Variants in DRGX observed in about 807,000 individuals in gnomAD.
The protein encoded by DRGX is dorsal root ganglia homeobox protein.
DRGX carries 21 observed loss-of-function variants against 28.6 expected under a neutral mutation model. The ratio of observed to expected loss-of-function variants is 0.73; its 90% confidence interval spans 0.52 to 1.06. DRGX has a LOEUF of 1.06. DRGX is among the 50% of genes least tolerant of loss of function. DRGX has a pLI of 0.00. For synonymous variants in DRGX, 136 were observed against 139.1 expected (o/e 0.98, Z 0.16); for missense variants, 354 against 343.9 (o/e 1.03, Z -0.23).
At chr10:49,383,889 A>T (rs919049819) in intron 6 of DRGX, among the ~76,000 whole-genome samples, 2 of 152,374 alleles carry the variant, frequency 1.3e-5, no homozygotes, top group Non-Finnish European at 2.9e-5. Context: ...AGCATAGGGC[A>T]CTGTGTTATA....
intron 6 of DRGX, among the ~76,000 whole-genome samples, chr10:49,369,482 T>A (rs1238867800): frequency 6.6e-6 from 1 of 152,100 alleles, no homozygotes; most frequent in Non-Finnish European, 1.5e-5. Flanking sequence ...GTATGCTAAG[T>A]GAAATAAGCC....
intron 6 of DRGX, among the ~76,000 whole-genome samples, chr10:49,374,787 T>C (rs1849699798): frequency 6.6e-6 from 1 of 152,210 alleles, no homozygotes; most frequent in Non-Finnish European, 1.5e-5. Flanking sequence ...CAATAGCACA[T>C]TTTCATCATT....
chr10:49,394,933 T>C (rs1032923602), intron 2 of DRGX, among the ~76,000 whole-genome samples: 1 of 152,336 alleles, frequency 6.6e-6, no homozygotes, highest in Non-Finnish European at 1.5e-5. Context: ...AAGAGGCCCC[T>C]GCAGTGTTCT....
intron 6 of DRGX, among the ~76,000 whole-genome samples, chr10:49,377,012 T>G (rs1269602169): frequency 6.6e-6 from 1 of 152,216 alleles, no homozygotes; most frequent in Admixed American, 6.5e-5. Flanking sequence ...CATTGCTAGA[T>G]GCTCAACCTG....
chr10:49,382,783 C>G (rs1470374205), intron 6 of DRGX, among the ~76,000 whole-genome samples: 2 of 152,196 alleles, frequency 1.3e-5, no homozygotes, highest in East Asian at 3.8e-4. Flanking sequence ...TTGCCTATGC[C>G]ATTCCCTACA....
chr10:49,382,578 T>C (rs769140980), intron 6 of DRGX, among the ~76,000 whole-genome samples: 1 of 152,154 alleles, frequency 6.6e-6, no homozygotes, highest in Non-Finnish European at 1.5e-5. Context: ...TTGGGCTGTG[T>C]GCTTAATTTC....
intron 6 of DRGX, among the ~76,000 whole-genome samples, chr10:49,377,511 A>G (rs1849728881): frequency 6.6e-6 from 1 of 152,222 alleles, no homozygotes; most frequent in Non-Finnish European, 1.5e-5. Context: ...AATAGGATGC[A>G]GCAGCAGTGA....
At chr10:49,376,228 T>C (rs1849715290) in intron 6 of DRGX, among the ~76,000 whole-genome samples, 1 of 152,092 alleles carries the variant, frequency 6.6e-6, no homozygotes. Flanking sequence ...AACAAAGAGA[T>C]CTCCTACAAA....
At chr10:49,385,591 A>G (rs989917125) in intron 6 of DRGX, among the ~76,000 whole-genome samples, 3 of 151,884 alleles carry the variant, frequency 2.0e-5, no homozygotes, top group African/African-American at 4.8e-5. Flanking sequence ...GTGTGTGTGT[A>G]TGTGTGTGTC....
intron 6 of DRGX, among the ~76,000 whole-genome samples, chr10:49,379,293 G>A (rs1407295086): frequency 6.6e-6 from 1 of 152,180 alleles, no homozygotes; most frequent in Non-Finnish European, 1.5e-5. Context: ...GGCACATGGA[G>A]TTAGGAGTGT....
At chr10:49,372,712 C>T (rs575143772) in intron 6 of DRGX, among the ~76,000 whole-genome samples, 3 of 152,238 alleles carry the variant, frequency 2.0e-5, no homozygotes, top group Non-Finnish European at 4.4e-5. Context: ...TGCACACACA[C>T]GTAACACTAC....
At chr10:49,393,091 A>G (rs1030029068) in intron 2 of DRGX, among the ~76,000 whole-genome samples, 7 of 148,538 alleles carry the variant, frequency 4.7e-5, no homozygotes, top group African/African-American at 1.7e-4. Context: ...GCCAAAATAG[A>G]AAAAAAAAGT....
At chr10:49,395,204 G>T (rs1395431978) in intron 2 of DRGX, among the ~76,000 whole-genome samples, 2 of 152,174 alleles carry the variant, frequency 1.3e-5, no homozygotes, top group South Asian at 2.1e-4. Context: ...GAGGGAGCTG[G>T]GAGGCAGGTG....
At chr10:49,367,387 AAAAG>A (rs924324682) in intron 6 of DRGX, among the ~76,000 whole-genome samples, 4 of 152,210 alleles carry the variant, frequency 2.6e-5, no homozygotes, top group African/African-American at 9.7e-5. Flanking sequence ...ATTAAAAAGA[AAAAG>A]AAAAAGAAAA....
intron 6 of DRGX, among the ~76,000 whole-genome samples, chr10:49,366,954 T>C (rs370728799): frequency 1.1e-4 from 17 of 152,320 alleles, no homozygotes; most frequent in African/African-American, 3.1e-4. Context: ...AAATTCCACA[T>C]TGGAATATAA....
Position 49,364,602 on chromosome 10 carries a change from C to A in DRGX, c.*1514G>T, listed in dbSNP as rs1213088501. The A allele has an allele frequency of 6.6e-6, 1 of 152,166 alleles. No individual in the cohort carries two copies. Among genetic ancestry groups the A allele is most frequent in the African/African-American group, 2.4e-5 (1 of 41,426 alleles). The allele number at this position is 152,166 out of a possible 1,614,324, so 9.4% of individuals were successfully genotyped here. A position where few individuals can be genotyped will look rare whatever the true frequency, so the allele number is the denominator to read the frequency against. On this transcript the variant is annotated 3_prime_UTR_variant, in exon 7 of 7. Transcript: ENST00000374139. ...TTACAGGGAAACGGAAGCAACTTTG[C>A]CGCTTTTTGGCAAATCGTTTCATCT...
intron 2 of DRGX, among the ~76,000 whole-genome samples, 177 bp from the exon 3 acceptor site, chr10:49,391,438 C>A (rs1386818469): frequency 6.6e-6 from 1 of 152,200 alleles, no homozygotes; most frequent in Non-Finnish European, 1.5e-5. Context: ...GTCCCCAAAA[C>A]CTCTGACTTT....
intron 2 of DRGX, 82 bp from the exon 3 acceptor site, chr10:49,391,343 C>CA: frequency 9.6e-7 from 1 of 1,039,364 alleles, no homozygotes; most frequent in Non-Finnish European, 1.5e-6. Context: ...AGAGGGCACC[C>CA]ACCTGACCCA....
In DRGX at chr10:49,395,458, G is replaced by A. The variant is rs758159114; in HGVS notation, c.-18C>T. ...TAAAACATCGCCGGCTGTCAGATCGGCTGGACGGCCGAGACCTGGGAGGGT... is the reference window on the plus strand; with the variant it reads ...TAAAACATCGCCGGCTGTCAGATCGACTGGACGGCCGAGACCTGGGAGGGT... On this transcript the variant is annotated 5_prime_UTR_variant, in exon 2 of 7. Transcript: ENST00000374139. 8 of 1,549,956 alleles carry A rather than the reference G, an allele frequency of 5.2e-6. No individual in the cohort carries two copies. Among genetic ancestry groups the A allele is most frequent in the Non-Finnish European group, 7.0e-6 (8 of 1,146,876 alleles).
Sources: gnomAD v4.1 joint callset for allele counts (sites outside exome capture counted in the v4.1 genomes callset) on GRCh38, gnomAD v4.1.1 for gene constraint, MANE v1.5 for transcripts, NCBI Gene and HGNC (gene_info 2026-07-23, HGNC 2026-07-21) for gene names.